RDH13: variants seen among roughly 807,000 people sequenced by gnomAD.
RDH13 encodes retinol dehydrogenase 13 (all-trans and 9-cis).
A neutral mutation model predicts 28.3 loss-of-function variants in RDH13; 35 were observed. That is an observed-to-expected ratio of 1.24 (90% CI 0.95 to 1.64). The LOEUF (loss-of-function observed/expected upper bound fraction) is 1.64, where lower values mean the gene tolerates loss of function less well. RDH13 is among the 40% of genes most tolerant of loss of function. The probability of loss-of-function intolerance (pLI) is 0.00; values close to 1 mark genes in which losing one functional copy is unlikely to be tolerated. For synonymous variants in RDH13, 229 were observed against 198.5 expected (o/e 1.15, Z -1.29); for missense variants, 514 against 446.3 (o/e 1.15, Z -1.37).
At chr19:55,059,032 TTC>T (rs2075726690) in intron 2 of RDH13, 123 bp downstream of exon 2, 1 of 668,188 alleles carries the variant, frequency 1.5e-6, no homozygotes, top group African/African-American at 1.8e-5. Context: ...AGAAGCCACA[TTC>T]TGTTTCCCTG....
At chr19:55,068,934 GGAAGGAAGGA>G in intron 1 of RDH13, 2 of 13,446 alleles carry the variant, frequency 1.5e-4, no homozygotes, top group Non-Finnish European at 3.7e-4. Context: ...AAGGAAGGAA[GGAAGGAAGGA>G]AGGGGAGGGG....
intron 1 of RDH13, chr19:55,069,300 G>A (rs1166249604): frequency 6.6e-6 from 1 of 151,640 alleles, no homozygotes; most frequent in Non-Finnish European, 1.5e-5. Context: ...TGTTCTCAGA[G>A]GAACGCCCAG....
upstream of RDH13, among the ~76,000 whole-genome samples, chr19:55,065,345 C>T (rs1285656780): frequency 6.6e-6 from 1 of 151,656 alleles, no homozygotes; most frequent in Non-Finnish European, 1.5e-5. Context: ...GATTGTGCCA[C>T]TGCACCCCAG....
At chr19:55,057,733 C>T (rs930567228) in intron 2 of RDH13, among the ~76,000 whole-genome samples, 1 of 151,992 alleles carries the variant, frequency 6.6e-6, no homozygotes. Context: ...AATGCCCAGC[C>T]TCCAATTTTT....
chr19:55,058,254 G>A (rs2075699542), intron 2 of RDH13, among the ~76,000 whole-genome samples: 1 of 151,880 alleles, frequency 6.6e-6, no homozygotes, highest in South Asian at 2.1e-4. Context: ...TGGGTGTGGT[G>A]TTGCATGCCT....
chr19:55,062,887 G>T, intron 1 of RDH13, 81 bp downstream of exon 1: 2 of 1,222,408 alleles, frequency 1.6e-6, no homozygotes, highest in Non-Finnish European at 2.1e-6. Context: ...CGGGTGCGAG[G>T]GGCGGGGGTC....
chr19:55,045,127 G>T lies in RDH13; in HGVS notation c.943C>A (p.Arg315Ser). ...VARRLWAESA[R>S]LVGLEAPSVR... Reference sequence around the variant, plus strand: ...GAGGGAGCCTCTAAGCCCACCAGGCGGGCACTTTCAGCCCAAAGCCTCCGG... The same window carrying T: ...GAGGGAGCCTCTAAGCCCACCAGGCTGGCACTTTCAGCCCAAAGCCTCCGG... Residue 315 changes from arginine to serine, a missense_variant, in exon 7 of 7, where the codon CGC (arginine) becomes AGC (serine). Physicochemically the swap from Arg to Ser is moderately radical, Grantham distance 110 (BLOSUM62 -1). Transcript: ENST00000415061. The T allele has an allele frequency of 1.2e-6, 2 of 1,613,442 alleles. No homozygotes were observed. The highest frequency in any genetic ancestry group is 1.6e-4 in the Middle Eastern group (1 of 6,062).
chr19:55,063,718 C>G (rs1322602313), upstream of RDH13: 3 of 153,606 alleles, frequency 2.0e-5, no homozygotes, highest in Non-Finnish European at 4.4e-5. Context: ...ACTGCTGAGT[C>G]TGAGGGAGGA....
intron 2 of RDH13, among the ~76,000 whole-genome samples, chr19:55,058,956 C>T (rs374422674): frequency 2.0e-5 from 3 of 152,236 alleles, no homozygotes; most frequent in Admixed American, 6.5e-5. Flanking sequence ...TGATTACAGG[C>T]GTGCACCACC....
intron 3 of RDH13, among the ~76,000 whole-genome samples, chr19:55,054,880 A>G (rs1249559283): frequency 6.6e-6 from 1 of 152,106 alleles, no homozygotes; most frequent in Non-Finnish European, 1.5e-5. Flanking sequence ...GAGGTAATGC[A>G]TATGTTAATT....
Position 55,056,723 on chromosome 19 carries a change from A to G in RDH13, c.270T>C (p.His90=). 6.2e-7 allele frequency: 1 copy of G among 1,614,058 alleles called. No individual in the cohort carries two copies. The part of the protein sequence containing the change: ...KDIRGETLNH[H]VNARHLDLAS... ...CCAAGTCCAGGTGCCGGGCGTTGAC[A>G]TGGTGATTGAGGGTCTCCCCGCGGA... Residue 90 remains histidine (H), a synonymous_variant, in exon 3 of 7, where the codon CAT becomes CAC. Transcript: ENST00000415061.
intron 2 of RDH13, 51 bp downstream of exon 2, chr19:55,059,106 A>G: frequency 8.3e-7 from 1 of 1,203,380 alleles, no homozygotes. Flanking sequence ...TGCTGCAGTG[A>G]GCATGGATGT....
In RDH13 at chr19:55,044,667, C is replaced by T. The variant is rs1568678427; in HGVS notation, c.*407G>A. 4.8e-6 allele frequency: 1 copy of T among 206,484 alleles called. No individual in the cohort carries two copies. The highest frequency in any genetic ancestry group is 9.6e-6 in the Non-Finnish European group (1 of 104,002). The allele number at this position is 206,484 out of a possible 1,614,324, so 12.8% of individuals were successfully genotyped here. Reference sequence around the variant, plus strand: ...AGAGAGGACCATGCATGCACAAGGTCCCACAGGGACCCAAGAATCCACCAA... The same window carrying T: ...AGAGAGGACCATGCATGCACAAGGTTCCACAGGGACCCAAGAATCCACCAA... On this transcript the variant is annotated 3_prime_UTR_variant, in exon 7 of 7. Coordinates refer to ENST00000415061, the MANE Select transcript of RDH13 (RefSeq NM_001145971.2).
chr19:55,062,936 T>C, intron 1 of RDH13, 32 bp downstream of exon 1: 2 of 1,433,002 alleles, frequency 1.4e-6, no homozygotes, highest in Non-Finnish European at 1.8e-6. Flanking sequence ...GGGCCCGCCT[T>C]GACCGCGCAC....
At chr19:55,052,934 T>A (rs2046345284) in intron 3 of RDH13, among the ~76,000 whole-genome samples, 1 of 136,662 alleles carries the variant, frequency 7.3e-6, no homozygotes, top group African/African-American at 2.7e-5. Flanking sequence ...AGTGCTGGGA[T>A]TACAGGCGTG....
At chr19:55,055,496 TAACA>T (rs1394824395) in intron 3 of RDH13, among the ~76,000 whole-genome samples, 1 of 151,852 alleles carries the variant, frequency 6.6e-6, no homozygotes, top group Non-Finnish European at 1.5e-5. Flanking sequence ...AAATGTCCCA[TAACA>T]AACACATATT....
Position 55,044,893 on chromosome 19 carries a change from G to C in RDH13, c.*181C>G. The C allele has an allele frequency of 1.8e-6, 1 of 570,872 alleles. No individual in the cohort carries two copies. The highest frequency in any genetic ancestry group is 3.1e-6 in the Non-Finnish European group (1 of 322,312). 35.4% of individuals were successfully genotyped at this position (570,872 alleles called of 1,614,324 possible). A position where few individuals can be genotyped will look rare whatever the true frequency, so the allele number is the denominator to read the frequency against. On this transcript the variant is annotated 3_prime_UTR_variant, in exon 7 of 7. Coordinates refer to ENST00000415061, the MANE Select transcript of RDH13 (RefSeq NM_001145971.2). ...GCAGACGGAACCAGCCAGAGCCCAG[G>C]GCAGTGCTCACCTGCAGGCCAGTCC...
At chr19:55,048,794 C>A (rs770061374) in intron 3 of RDH13, 31 bp from the exon 4 acceptor site, 2 of 1,578,132 alleles carry the variant, frequency 1.3e-6, no homozygotes, top group Admixed American at 3.4e-5. Context: ...AGGAGACATC[C>A]CGGTGAGGAC....
intron 1 of RDH13, among the ~76,000 whole-genome samples, chr19:55,061,456 TCTGA>T (rs1454104130): frequency 1.3e-5 from 2 of 151,156 alleles, no homozygotes; most frequent in Non-Finnish European, 2.9e-5. Flanking sequence ...CCATCTCCCC[TCTGA>T]CTGAGCCTCC....
Sources: gnomAD v4.1 joint callset for allele counts (sites outside exome capture counted in the v4.1 genomes callset) on GRCh38, gnomAD v4.1.1 for gene constraint, MANE v1.5 for transcripts, NCBI Gene and HGNC (gene_info 2026-07-23, HGNC 2026-07-21) for gene names.